ZNF536: variants seen among roughly 807,000 people sequenced by gnomAD.
ZNF536 encodes zinc finger protein 536.
ZNF536 carries 13 observed loss-of-function variants against 84.5 expected under a neutral mutation model. The observed-to-expected ratio is 0.15, with a 90% CI of 0.10 to 0.24. The LOEUF is 0.24. ZNF536 is among the 10% of genes least tolerant of loss of function. The pLI, the probability that ZNF536 is intolerant of heterozygous loss-of-function variation, is 1.00. For synonymous variants in ZNF536, 811 were observed against 742.5 expected, an observed-to-expected ratio of 1.09 and a Z score of -1.50; for missense variants, 1,536 against 1,747.5, an observed-to-expected ratio of 0.88 and a Z score of 2.16.
chr19:30,454,973 C>T (rs752402085), intron 2 of ZNF536, among the ~76,000 whole-genome samples: 18 of 152,148 alleles, frequency 1.2e-4, no homozygotes, highest in Non-Finnish European at 2.4e-4. Context: ...GAGGAGGTTG[C>T]GGTGAGCCGA....
intron 1 of ZNF536, among the ~76,000 whole-genome samples, chr19:30,392,584 T>A (rs1367312519): frequency 6.6e-6 from 1 of 152,174 alleles, no homozygotes; most frequent in Admixed American, 6.5e-5. Context: ...CAGTCCTCCT[T>A]CTTTCTGTGT....
At chr19:30,576,438 T>C (rs892142809) in intron 1 of ZNF536, among the ~76,000 whole-genome samples, 9 of 152,300 alleles carry the variant, frequency 5.9e-5, no homozygotes, top group African/African-American at 2.2e-4. Flanking sequence ...GTCCTTGACA[T>C]CTTGGGAGCC....
chr19:30,286,233 T>G (rs890392990), intron 2 of ZNF536, among the ~76,000 whole-genome samples: 1 of 152,208 alleles, frequency 6.6e-6, no homozygotes, highest in African/African-American at 2.4e-5. Context: ...ATTATTGTAG[T>G]GCGGGCGAGA....
intron 2 of ZNF536, among the ~76,000 whole-genome samples, chr19:30,324,541 C>G (rs2046961030): frequency 6.6e-6 from 1 of 152,184 alleles, no homozygotes; most frequent in South Asian, 2.1e-4. Flanking sequence ...TGCCGCCATG[C>G]CTGGTTAGTT....
At chr19:30,632,564 A>G (rs1217297588) in intron 1 of ZNF536, among the ~76,000 whole-genome samples, 1 of 152,118 alleles carries the variant, frequency 6.6e-6, no homozygotes, top group Non-Finnish European at 1.5e-5. Context: ...TGAGATCACG[A>G]CATTGCACTC....
intron 1 of ZNF536, among the ~76,000 whole-genome samples, chr19:30,247,362 G>A (rs1453708262): frequency 2.6e-5 from 4 of 152,312 alleles, no homozygotes; most frequent in East Asian, 1.9e-4. Context: ...GAGACCAAGA[G>A]CAGGTTGAAG....
At chr19:30,286,168 T>A (rs2045618487) in intron 2 of ZNF536, among the ~76,000 whole-genome samples, 1 of 152,212 alleles carries the variant, frequency 6.6e-6, no homozygotes, top group African/African-American at 2.4e-5. Flanking sequence ...CGCTCATGAT[T>A]GATAACATTC....
intron 2 of ZNF536, among the ~76,000 whole-genome samples, chr19:30,286,578 GAC>G (rs2045639108): frequency 6.7e-6 from 1 of 150,126 alleles, no homozygotes; most frequent in Admixed American, 6.8e-5. Flanking sequence ...CAGAAAGACA[GAC>G]AGAGAGAGAA....
At chr19:30,544,383 C>A (rs987710573) in intron 3 of ZNF536, among the ~76,000 whole-genome samples, 6 of 152,174 alleles carry the variant, frequency 3.9e-5, no homozygotes, top group Admixed American at 1.3e-4. Context: ...CAGGCCTGGG[C>A]CCGTGGAGAC....
At chr19:30,611,153 TG>T (rs538778498) in intron 1 of ZNF536, among the ~76,000 whole-genome samples, 57 of 152,154 alleles carry the variant, frequency 3.7e-4, no homozygotes, top group Admixed American at 8.5e-4. Context: ...CCAAACCCTC[TG>T]GGGGTAGAAT....
intron 3 of ZNF536, among the ~76,000 whole-genome samples, chr19:30,365,467 T>A (rs1014019653): frequency 1.3e-5 from 2 of 152,236 alleles, no homozygotes; most frequent in African/African-American, 4.8e-5. Flanking sequence ...GAGTATTTCC[T>A]GCTTCCCACA....
At chr19:30,227,538 G>T (rs1261933432), upstream of ZNF536, among the ~76,000 whole-genome samples, 2 of 152,186 alleles carry the variant, frequency 1.3e-5, no homozygotes, top group Admixed American at 6.5e-5. Flanking sequence ...AGCCGCCTTC[G>T]TTTTCACTTT....
chr19:30,647,938 C>A (rs74806304), intron 1 of ZNF536, among the ~76,000 whole-genome samples: 1 of 152,172 alleles, frequency 6.6e-6, no homozygotes, highest in African/African-American at 2.4e-5. Context: ...AAGTTTCCCA[C>A]GTGTCGCTTT....
chr19:30,485,672 T>C (rs1160188454), intron 2 of ZNF536, among the ~76,000 whole-genome samples: 1 of 150,160 alleles, frequency 6.7e-6, no homozygotes, highest in East Asian at 1.9e-4. Context: ...CTCTTAACTT[T>C]TCTTGAACTC....
At chr19:30,514,597 A>C (rs529791996) in intron 2 of ZNF536, among the ~76,000 whole-genome samples, 1 of 151,998 alleles carries the variant, frequency 6.6e-6, no homozygotes, top group African/African-American at 2.4e-5. Context: ...GACTTTATGC[A>C]GCTCTTCTGG....
At chr19:30,339,928 G>A (rs2047510715) in intron 2 of ZNF536, among the ~76,000 whole-genome samples, 1 of 152,138 alleles carries the variant, frequency 6.6e-6, no homozygotes, top group African/African-American at 2.4e-5. Flanking sequence ...TCTGGCCTGG[G>A]GGTATCCTGC....
At chr19:30,356,124 ACAATGTAGATTTC>A (rs1018134255) in intron 3 of ZNF536, among the ~76,000 whole-genome samples, 59 of 152,336 alleles carry the variant, frequency 3.9e-4, no homozygotes, top group Middle Eastern at 3.4e-3. Flanking sequence ...ATGTCCCACC[ACAATGTAGATTTC>A]CAGAGAGCTC....
At chr19:30,702,950 T>A (rs554576753) in intron 1 of ZNF536, among the ~76,000 whole-genome samples, 1 of 152,254 alleles carries the variant, frequency 6.6e-6, no homozygotes, top group African/African-American at 2.4e-5. Context: ...GTCTGCCTGG[T>A]GGGGAAGACA....
At chr19:30,599,951 C>G (rs115972980) in intron 1 of ZNF536, among the ~76,000 whole-genome samples, 2,484 of 150,930 alleles carry the variant, frequency 0.016, 51 homozygotes, top group African/African-American at 0.057. Context: ...TTGGGTGTGT[C>G]GTGTTTATGA....
Sources: gnomAD v4.1 joint callset for allele counts (sites outside exome capture counted in the v4.1 genomes callset) on GRCh38, gnomAD v4.1.1 for gene constraint, MANE v1.5 for transcripts, NCBI Gene and HGNC (gene_info 2026-07-23, HGNC 2026-07-21) for gene names.